The following FAM162A variants were observed in gnomAD, a reference collection of about 807,000 sequenced individuals.
FAM162A encodes the protein family with sequence similarity 162 member A.
Under a neutral mutation model 21.8 loss-of-function variants are expected in FAM162A, and 23 were observed. The ratio of observed to expected loss-of-function variants is 1.05; its 90% confidence interval spans 0.76 to 1.49. The LOEUF (loss-of-function observed/expected upper bound fraction) is 1.49. Among genes scored for constraint, FAM162A ranks in the 40% most tolerant of loss-of-function variants. FAM162A has a pLI of 0.00. For synonymous variants in FAM162A, 53 were observed against 61.3 expected, an observed-to-expected ratio of 0.86 and a Z score of 0.64; for missense variants, 165 against 186.4, an observed-to-expected ratio of 0.89 and a Z score of 0.67.
At chr3:122,396,637 A>G (rs2075628917) in intron 1 of FAM162A, among the ~76,000 whole-genome samples, 1 of 152,162 alleles carries the variant, frequency 6.6e-6, no homozygotes, top group Non-Finnish European at 1.5e-5. Context: ...CTTAGTATAT[A>G]CCCCACAAAT....
Position 122,411,969 on chromosome 3 carries a change from ACTAT to A in FAM162A, c.*2141_*2144del, listed in dbSNP as rs1364974399. The A allele has an allele frequency of 5.3e-5, 8 of 152,142 alleles. No individual in the cohort carries two copies. The East Asian group carries it at 1.5e-3, about 29-fold the overall frequency. 9.4% of individuals were successfully genotyped at this position (152,142 alleles called of 1,614,324 possible). A position where few individuals can be genotyped will look rare whatever the true frequency, so the allele number is the denominator to read the frequency against. ...TTCTCCTATTTGATAACATATAGTG[ACTAT>A]CTCTTTATGGGTTAAATATCAGTTT... On this transcript the variant is annotated 3_prime_UTR_variant, in exon 5 of 5. Transcript: ENST00000477892.
chr3:122,393,573 C>T (rs2075613977), intron 1 of FAM162A, among the ~76,000 whole-genome samples: 1 of 152,220 alleles, frequency 6.6e-6, no homozygotes, highest in South Asian at 2.1e-4. Context: ...TACTATTTGA[C>T]TTGTCTGACA....
intron 1 of FAM162A, among the ~76,000 whole-genome samples, chr3:122,384,833 A>C (rs1361864892): frequency 1.3e-5 from 2 of 152,248 alleles, no homozygotes. Flanking sequence ...AATGGAGGAT[A>C]CATTACTTTT....
chr3:122,387,631 G>A (rs2075580780), intron 1 of FAM162A, among the ~76,000 whole-genome samples: 1 of 152,076 alleles, frequency 6.6e-6, no homozygotes, highest in Non-Finnish European at 1.5e-5. Flanking sequence ...AAATGAGAAC[G>A]TACGCATTTT....
At chr3:122,401,030 T>C (rs2075651006) in intron 1 of FAM162A, among the ~76,000 whole-genome samples, 1 of 152,220 alleles carries the variant, frequency 6.6e-6, no homozygotes, top group Admixed American at 6.5e-5. Flanking sequence ...TGAAAATGTC[T>C]TATCCTAATA....
chr3:122,407,567 G>A, intron 4 of FAM162A, 178 bp downstream of exon 4: 1 of 509,870 alleles, frequency 2.0e-6, no homozygotes, highest in Non-Finnish European at 3.5e-6. Flanking sequence ...TATCATCCTT[G>A]GGGATAGATA....
rs534129400 is a variant in FAM162A at position 122,410,305 on chromosome 3, A to G, written c.*474A>G. 8.5e-5 allele frequency: 16 copies of G among 187,458 alleles called. No homozygotes were observed. The highest frequency in any genetic ancestry group is 3.3e-4 in the African/African-American group (14 of 41,816). 11.6% of individuals were successfully genotyped at this position (187,458 alleles called of 1,614,324 possible). On this transcript the variant is annotated 3_prime_UTR_variant, in exon 5 of 5. Transcript: ENST00000477892. ...CTGAGAAGCAGCCAGACCACATTCT[A>G]TAATCTTTGAACATGCTGGCAGATG... is the stretch of plus-strand genomic sequence containing the variant.
chr3:122,404,241 T>G lies in FAM162A; in HGVS notation c.158-17T>G. ...AATCTCAAACACATAAAATTTCTTGTCTGGTTTTTCTCATAGGCACTTACA... is the reference window on the plus strand; with the variant it reads ...AATCTCAAACACATAAAATTTCTTGGCTGGTTTTTCTCATAGGCACTTACA... On this transcript the variant is annotated splice_polypyrimidine_tract_variant and intron_variant, in intron 2 of 4. Transcript: ENST00000477892. 7.4e-7 allele frequency: 1 copy of G among 1,345,504 alleles called. No individual in the cohort carries two copies. Among genetic ancestry groups the G allele is most frequent in the Non-Finnish European group, 1.0e-6 (1 of 972,522 alleles). The allele number at this position is 1,345,504 out of a possible 1,614,324, so 83.3% of individuals were successfully genotyped here. A position where few individuals can be genotyped will look rare whatever the true frequency, so the allele number is the denominator to read the frequency against.
chr3:122,390,356 A>G (rs1314984935), intron 1 of FAM162A, among the ~76,000 whole-genome samples: 1 of 152,166 alleles, frequency 6.6e-6, no homozygotes, highest in East Asian at 1.9e-4. Context: ...CCAGGTCAAC[A>G]GCTAAGGCCT....
intron 4 of FAM162A, 82 bp from the exon 5 acceptor site, chr3:122,409,657 A>T: frequency 8.2e-7 from 1 of 1,214,648 alleles, no homozygotes; most frequent in Non-Finnish European, 1.2e-6. Context: ...TGCCTCTGTT[A>T]ACCTGCTGTC....
In FAM162A at chr3:122,384,288, G is replaced by A. The variant is rs781609459; in HGVS notation, c.23G>A (p.Arg8His). 8 of 1,579,326 alleles carry A rather than the reference G, an allele frequency of 5.1e-6. No homozygotes were observed. Among genetic ancestry groups the A allele is most frequent in the Non-Finnish European group, 6.9e-6 (8 of 1,163,050 alleles). Reference sequence around the variant, plus strand: ...GCCATGGGGAGCCTCAGCGGTCTGCGCCTGGCAGCAGGTGAGACGCCGGTC... The same window carrying A: ...GCCATGGGGAGCCTCAGCGGTCTGCACCTGGCAGCAGGTGAGACGCCGGTC... MGSLSGL[R>H]LAAGSCFRLC... The change falls in exon 1 of 5, where the codon CGC (arginine) becomes CAC (histidine). Residue 8 changes from arginine to histidine, a missense_variant. Arg to His is a conservative substitution (Grantham distance 29). Coordinates refer to ENST00000477892, the MANE Select transcript of FAM162A (RefSeq NM_014367.4).
At chr3:122,405,653 C>T (rs894816473) in intron 3 of FAM162A, among the ~76,000 whole-genome samples, 5 of 152,148 alleles carry the variant, frequency 3.3e-5, no homozygotes, top group African/African-American at 9.7e-5. Flanking sequence ...TCCAAGATCC[C>T]CTCAGGCCCA....
At chr3:122,404,126 C>A in intron 2 of FAM162A, 132 bp from the exon 3 acceptor site, 1 of 400,850 alleles carries the variant, frequency 2.5e-6, no homozygotes, top group Non-Finnish European at 4.6e-6. Context: ...AAATAAAGTT[C>A]TAATTAACTT....
chr3:122,387,224 A>G (rs1055646515), intron 1 of FAM162A, among the ~76,000 whole-genome samples: 9 of 152,252 alleles, frequency 5.9e-5, no homozygotes, highest in African/African-American at 1.4e-4. Flanking sequence ...GTATCTTTCC[A>G]CAGAATGATT....
intron 1 of FAM162A, among the ~76,000 whole-genome samples, chr3:122,396,701 C>T (rs2075629256): frequency 6.6e-6 from 1 of 152,116 alleles, no homozygotes; most frequent in South Asian, 2.1e-4. Flanking sequence ...CAGTATTATT[C>T]ATAATAGCCA....
chr3:122,401,461 G>T, intron 1 of FAM162A: 1 of 1,201,052 alleles, frequency 8.3e-7, no homozygotes, highest in Non-Finnish European at 1.1e-6. Flanking sequence ...TTGAGAGCAC[G>T]TGGGAAAAGA....
At chr3:122,398,143 C>T (rs1350617057) in intron 1 of FAM162A, among the ~76,000 whole-genome samples, 1 of 152,152 alleles carries the variant, frequency 6.6e-6, no homozygotes, top group Non-Finnish European at 1.5e-5. Context: ...CATTTTAAAA[C>T]TGGCAAATAA....
chr3:122,399,386 T>C (rs1443469514), intron 1 of FAM162A, among the ~76,000 whole-genome samples: 2 of 152,154 alleles, frequency 1.3e-5, no homozygotes, highest in African/African-American at 4.8e-5. Flanking sequence ...TGCACTGTCA[T>C]GATCTAGGCT....
intron 1 of FAM162A, 63 bp downstream of exon 1, chr3:122,384,362 T>C: frequency 6.5e-7 from 1 of 1,537,702 alleles, no homozygotes; most frequent in Admixed American, 2.0e-5. Flanking sequence ...GGTGGGGGAA[T>C]CCTGAAGCCT....
Sources: allele counts gnomAD v4.1 joint callset (sites outside exome capture counted in the v4.1 genomes callset), GRCh38; gene constraint gnomAD v4.1.1; transcripts MANE v1.5; gene names NCBI Gene and HGNC (gene_info 2026-07-23, HGNC 2026-07-21).